Variants in RNFT2 observed in about 807,000 individuals in gnomAD.
The protein encoded by RNFT2 is ring finger protein, transmembrane 2.
A neutral mutation model predicts 53.0 loss-of-function variants in RNFT2; 36 were observed. That is an observed-to-expected ratio of 0.68 (90% CI 0.52 to 0.90). The LOEUF (loss-of-function observed/expected upper bound fraction) is 0.90. Ranked by LOEUF, RNFT2 falls within the 40% of genes least tolerant of loss-of-function variation. RNFT2 has a pLI of 0.00. For missense variants in RNFT2, 514 were observed against 585.6 expected (o/e 0.88, Z 1.26); for synonymous variants, 260 against 253.2 (o/e 1.03, Z -0.26).
chr12:116,849,203 G>A (rs541565528), intron 10 of RNFT2, 111 bp from the exon 11 acceptor site: 9 of 790,888 alleles, frequency 1.1e-5, no homozygotes, highest in Middle Eastern at 2.4e-4. Context: ...GAGTGCAGGC[G>A]CCCCGAAGGC....
intron 10 of RNFT2, among the ~76,000 whole-genome samples, chr12:116,838,784 C>T (rs1037988336): frequency 6.6e-6 from 1 of 152,216 alleles, no homozygotes; most frequent in African/African-American, 2.4e-5. Flanking sequence ...CATTCTTCTC[C>T]TGATACCACT....
At position 116,766,869 on chromosome 12, in the gene RNFT2, C is replaced by T. The variant is rs773630501; in HGVS notation, c.683C>T (p.Thr228Ile). ...ATCCTGGCCTTTCTGGCGGGGAACACCCTCTATGTGCTTTATACATTCAGC... is the reference window on the plus strand; with the variant it reads ...ATCCTGGCCTTTCTGGCGGGGAACATCCTCTATGTGCTTTATACATTCAGC... ...LWILAFLAGN[T>I]LYVLYTFSSQ... is the part of the protein sequence containing the mutation. Residue 228 changes from threonine to isoleucine, a missense_variant, in exon 6 of 11, where the codon ACC (threonine) becomes ATC (isoleucine). Around this residue, in one of 3 missense-constraint regions of RNFT2, gnomAD observed 273 missense variants for 334.4 expected, o/e 0.82. Transcript: ENST00000257575. 45 of 1,597,254 alleles carry T rather than the reference C, an allele frequency of 2.8e-5. No homozygotes were observed. The highest frequency in any genetic ancestry group is 3.8e-5 in the Non-Finnish European group (44 of 1,171,616).
intron 7 of RNFT2, among the ~76,000 whole-genome samples, chr12:116,782,378 T>C (rs1873754378): frequency 1.3e-5 from 2 of 151,602 alleles, no homozygotes; most frequent in Non-Finnish European, 2.9e-5. Flanking sequence ...ATTTAAAAAA[T>C]TAGCTGAGTG....
chr12:116,792,615 G>A (rs905295449), intron 7 of RNFT2, among the ~76,000 whole-genome samples: 6 of 152,080 alleles, frequency 3.9e-5, no homozygotes, highest in East Asian at 1.9e-4. Context: ...CCAGGTCAGC[G>A]CGTAATCTAG....
At chr12:116,759,147 A>G (rs1447360530) in intron 5 of RNFT2, among the ~76,000 whole-genome samples, 1 of 152,028 alleles carries the variant, frequency 6.6e-6, no homozygotes, top group African/African-American at 2.4e-5. Flanking sequence ...GTTCAATTCT[A>G]TTGCCGAGAC....
chr12:116,850,148 CTTT>C lies in RNFT2; in HGVS notation c.*722_*724del, dbSNP rs71099006. 0.099 allele frequency: 7,244 copies of C among 73,086 alleles called. 532 individuals carry two copies. The highest frequency in any genetic ancestry group is 0.29 in the African/African-American group (5,170 of 17,832). 4.5% of individuals were successfully genotyped at this position (73,086 alleles called of 1,614,324 possible). A position where few individuals can be genotyped will look rare whatever the true frequency, so the allele number is the denominator to read the frequency against. On this transcript the variant is annotated 3_prime_UTR_variant, in exon 11 of 11. Coordinates refer to ENST00000257575, the MANE Select transcript of RNFT2 (RefSeq NM_001382266.1). ...GCATGAGCCACCGTGCCCAGGCTCA[CTTT>C]TTTTTTTTTTTTTTTTTTTTTGAGA...
chr12:116,781,179 C>G (rs1036817095), intron 7 of RNFT2, among the ~76,000 whole-genome samples: 16 of 152,108 alleles, frequency 1.1e-4, no homozygotes, highest in African/African-American at 3.9e-4. Flanking sequence ...GCCTCAGTGC[C>G]CTCATCTGTA....
At chr12:116,817,506 C>T (rs540778794) in intron 7 of RNFT2, among the ~76,000 whole-genome samples, 1 of 152,296 alleles carries the variant, frequency 6.6e-6, no homozygotes, top group African/African-American at 2.4e-5. Context: ...AGAGCATAAG[C>T]TGTATAACCT....
In RNFT2 at chr12:116,750,053, G is replaced by C; in HGVS notation, c.296G>C (p.Gly99Ala). ...IQMPASREEGGGRGEGGAYHH... is the reference protein window; with the variant it reads ...IQMPASREEGAGRGEGGAYHH... ...ATGCCCGCGTCCAGGGAGGAAGGAG[G>C]GGGCCGGGGCGAGGGGGGCGCCTAC... Residue 99 changes from glycine (G) to alanine (A), a missense_variant, in exon 4 of 11, where the codon GGG becomes GCG. Gly to Ala is a moderately conservative substitution (Grantham distance 60). This residue lies in a region of RNFT2 where 237 missense variants were observed against 235.1 expected (regional missense o/e 1.01). Transcript: ENST00000257575. 6.5e-7 allele frequency: 1 copy of C among 1,548,978 alleles called. No individual in the cohort carries two copies. Among genetic ancestry groups the C allele is most frequent in the Non-Finnish European group, 8.7e-7 (1 of 1,148,754 alleles).
chr12:116,753,907 T>C (rs1157339394), intron 4 of RNFT2, 77 bp from the exon 5 acceptor site: 1 of 1,093,562 alleles, frequency 9.1e-7, no homozygotes. Context: ...ATGTGCCTTT[T>C]CCCCCATGTT....
At chr12:116,775,987 G>A (rs937599835) in intron 6 of RNFT2, among the ~76,000 whole-genome samples, 1 of 151,938 alleles carries the variant, frequency 6.6e-6, no homozygotes, top group Non-Finnish European at 1.5e-5. Flanking sequence ...AGGTTGCAGT[G>A]AGCCAAGGTT....
intron 6 of RNFT2, among the ~76,000 whole-genome samples, chr12:116,776,714 T>C (rs2137113587): frequency 6.6e-6 from 1 of 152,312 alleles, no homozygotes; most frequent in East Asian, 1.9e-4. Flanking sequence ...CATTCTATGC[T>C]GAGTGTACTT....
intron 7 of RNFT2, among the ~76,000 whole-genome samples, chr12:116,810,352 G>A (rs1875311726): frequency 6.6e-6 from 1 of 152,192 alleles, no homozygotes; most frequent in African/African-American, 2.4e-5. Flanking sequence ...GACAGCCGCA[G>A]CCATGGTGTG....
intron 5 of RNFT2, among the ~76,000 whole-genome samples, chr12:116,764,330 T>C (rs1173515989): frequency 6.6e-6 from 1 of 152,114 alleles, no homozygotes; most frequent in African/African-American, 2.4e-5. Context: ...TACCACCTGT[T>C]CACCAAAAAC....
chr12:116,812,381 G>A (rs1439238136), intron 7 of RNFT2, among the ~76,000 whole-genome samples: 2 of 152,186 alleles, frequency 1.3e-5, no homozygotes, highest in African/African-American at 4.8e-5. Flanking sequence ...AGGAGAGGAG[G>A]GACAGCTCTG....
intron 3 of RNFT2, among the ~76,000 whole-genome samples, chr12:116,743,381 C>T (rs1016817304): frequency 1.3e-5 from 2 of 151,804 alleles, no homozygotes; most frequent in African/African-American, 2.4e-5. Flanking sequence ...ACTCTCATGC[C>T]TCTGTCTCCC....
chr12:116,749,871 G>C lies in RNFT2; in HGVS notation c.114G>C (p.Ala38=), dbSNP rs202072712. 114 of 1,587,314 alleles carry C rather than the reference G, an allele frequency of 7.2e-5. No individual in the cohort carries two copies. In the African/African-American group the frequency reaches 1.4e-3, roughly 20 times the overall value. The stretch of plus-strand genomic sequence containing the variant: ...GCAGCCAGGCGCTCAGCTCCGAGGC[G>C]AGTGTGGATGAAGGTGGCGTCTTTG... ...RNRSQALSSE[A]SVDEGGVFES... is the part of the protein sequence containing the mutation. The change falls in exon 4 of 11, where the codon GCG becomes GCC. Residue 38 remains alanine (A), a synonymous_variant. Transcript: ENST00000257575.
chr12:116,825,911 C>G (rs1016120052), intron 7 of RNFT2, among the ~76,000 whole-genome samples: 9 of 151,870 alleles, frequency 5.9e-5, no homozygotes, highest in Non-Finnish European at 2.9e-5. Context: ...CCTGCCTCCA[C>G]AGATGAAAAA....
intron 7 of RNFT2, among the ~76,000 whole-genome samples, chr12:116,786,408 G>A (rs530721688): frequency 6.6e-6 from 1 of 152,272 alleles, no homozygotes; most frequent in Admixed American, 6.5e-5. Context: ...ACCGCGCCCG[G>A]CCGAGATCGG....
Sources: gnomAD v4.1 joint callset for allele counts (sites outside exome capture counted in the v4.1 genomes callset) on GRCh38, gnomAD v4.1.1 for gene constraint, gnomAD v4.1.1 regional missense constraint, MANE v1.5 for transcripts, NCBI Gene and HGNC (gene_info 2026-07-23, HGNC 2026-07-21) for gene names.